SNED1: variants seen among roughly 807,000 people sequenced by gnomAD.
SNED1 encodes the protein sushi, nidogen and EGF-like domain-containing protein 1.
Under a neutral mutation model 166.7 loss-of-function variants are expected in SNED1, and 81 were observed. The ratio of observed to expected loss-of-function variants is 0.49; its 90% CI spans 0.41 to 0.58. The LOEUF (loss-of-function observed/expected upper bound fraction) is 0.58. Among genes scored for constraint, SNED1 ranks in the 20% least tolerant of loss-of-function variants. The pLI is 0.00. For synonymous variants in SNED1, 762 were observed against 822.0 expected (o/e 0.93, Z 1.25); for missense variants, 1,604 against 2,000.2 (o/e 0.80, Z 3.78).
chr2:241,065,945 G>C (rs890185734), intron 21 of SNED1, among the ~76,000 whole-genome samples: 2 of 150,738 alleles, frequency 1.3e-5, no homozygotes, highest in Middle Eastern at 3.2e-3. Flanking sequence ...GGGGCCGCGG[G>C]GGTGGGCTTG....
chr2:241,045,687 A>G (rs1377051111), intron 8 of SNED1, among the ~76,000 whole-genome samples: 1 of 151,130 alleles, frequency 6.6e-6, no homozygotes, highest in Non-Finnish European at 1.5e-5. Context: ...AACATAAACT[A>G]TAAGATTTTT....
At chr2:241,016,188 ATTTTTT>A (rs1181068532) in intron 1 of SNED1, among the ~76,000 whole-genome samples, 2 of 68,646 alleles carry the variant, frequency 2.9e-5, no homozygotes, top group Admixed American at 1.7e-4. Flanking sequence ...GTCATGGTGG[ATTTTTT>A]TTTTTTTTTT....
chr2:241,042,209 A>G (rs2061540206), intron 8 of SNED1, among the ~76,000 whole-genome samples: 1 of 152,186 alleles, frequency 6.6e-6, no homozygotes, highest in African/African-American at 2.4e-5. Flanking sequence ...CAGGCTCAGG[A>G]TGAAATCTGC....
In SNED1 at chr2:241,069,067, C is replaced by G. The variant is rs1483037705; in HGVS notation, c.3307+44C>G. 10 of 1,359,156 alleles carry G rather than the reference C, an allele frequency of 7.4e-6. No individual in the cohort carries two copies. Among genetic ancestry groups the G allele is most frequent in the African/African-American group, 1.4e-5 (1 of 69,164 alleles). The allele number at this position is 1,359,156 out of a possible 1,614,324, so 84.2% of individuals were successfully genotyped here. ...CCCCCGGCACACGAAAGGCCGTCTTCTAGAAGCTCTGGCTTCCTTCCAGCC... is the reference window on the plus strand; with the variant it reads ...CCCCCGGCACACGAAAGGCCGTCTTGTAGAAGCTCTGGCTTCCTTCCAGCC... On this transcript the variant is annotated intron_variant, in intron 23 of 31. Coordinates refer to ENST00000310397, the MANE Select transcript of SNED1 (RefSeq NM_001080437.3). This position sits in a 1 kb window ranked among gnomAD's most constrained non-coding sequence, Gnocchi z 4.9.
At chr2:241,000,398 C>G (rs7590401) in intron 1 of SNED1, among the ~76,000 whole-genome samples, 2 of 152,214 alleles carry the variant, frequency 1.3e-5, no homozygotes, top group Non-Finnish European at 2.9e-5. Flanking sequence ...GAAAGTCCCT[C>G]TGGACCGGGA....
intron 1 of SNED1, among the ~76,000 whole-genome samples, chr2:241,017,517 C>T (rs2060633618): frequency 1.3e-5 from 2 of 152,246 alleles, no homozygotes; most frequent in South Asian, 4.1e-4. Flanking sequence ...TAAGAAATGA[C>T]CCAGGCAAAG....
chr2:241,034,967 T>C (rs1339953323), intron 4 of SNED1, among the ~76,000 whole-genome samples: 2 of 150,130 alleles, frequency 1.3e-5, no homozygotes, highest in Non-Finnish European at 2.9e-5. Flanking sequence ...GGGAACCCTC[T>C]GGAGACTGTG....
chr2:241,041,627 G>T (rs2061524030), intron 8 of SNED1, among the ~76,000 whole-genome samples: 1 of 152,152 alleles, frequency 6.6e-6, no homozygotes, highest in South Asian at 2.1e-4. Context: ...AGAGGTTGCA[G>T]TGAGCTGAGA....
chr2:241,070,024 A>G lies in SNED1; in HGVS notation c.3412A>G (p.Ile1138Val). Reference protein sequence around the residue: ...TPGSLLEAYVINVTTSQSTKS... With the variant: ...TPGSLLEAYVVNVTTSQSTKS... ...AGGCAGCTTGCTGGAGGCTTATGTC[A>G]TCAATGTGACCACCAGCCAGAGCAC... Residue 1138 changes from isoleucine to valine, a missense_variant, in exon 24 of 32, where the codon ATC (isoleucine) becomes GTC (valine). This residue lies in a region of SNED1 where 1,237 missense variants were observed against 1,620.8 expected (regional missense o/e 0.76). Coordinates refer to ENST00000310397, the MANE Select transcript of SNED1 (RefSeq NM_001080437.3). 6.2e-7 allele frequency: 1 copy of G among 1,612,938 alleles called. No individual in the cohort carries two copies. The highest frequency in any genetic ancestry group is 8.5e-7 in the Non-Finnish European group (1 of 1,179,870).
Position 241,071,686 on chromosome 2 carries a change from C to A in SNED1, c.3700C>A (p.His1234Asn). Residue 1234 changes from histidine (H) to asparagine (N), a missense_variant, in exon 25 of 32, where the codon CAC becomes AAC. His to Asn is a moderately conservative substitution (Grantham distance 68, BLOSUM62 1). Around this residue, in one of 2 missense-constraint regions of SNED1, gnomAD observed 367 missense variants for 379.4 expected, o/e 0.97. Coordinates refer to ENST00000310397, the MANE Select transcript of SNED1 (RefSeq NM_001080437.3). ...GCCGGAGCTGCGCCTGCTCAATGAC[C>A]ACAGCGCCCCCGAGACCCCCACCCA... is the stretch of plus-strand genomic sequence containing the variant. ...RLPELRLLND[H>N]SAPETPTQPP... 3 of 1,541,854 alleles carry A rather than the reference C, an allele frequency of 1.9e-6. No individual in the cohort carries two copies. The highest frequency in any genetic ancestry group is 2.6e-6 in the Non-Finnish European group (3 of 1,147,386).
In SNED1 at chr2:241,073,465, A is replaced by G. The variant is rs1481196188; in HGVS notation, c.3916+101A>G. Reference sequence around the variant, plus strand: ...GGACCACCCACGGTGAGGAATCAGGAGGCACAGAGCCTACCTGAGGGGAGG... The same window carrying G: ...GGACCACCCACGGTGAGGAATCAGGGGGCACAGAGCCTACCTGAGGGGAGG... On this transcript the variant is annotated intron_variant, in intron 27 of 31. Coordinates refer to ENST00000310397, the MANE Select transcript of SNED1 (RefSeq NM_001080437.3). The surrounding 1 kb of genome is among the most constrained non-coding windows in gnomAD (Gnocchi z 6.6). The G allele has an allele frequency of 1.0e-6, 1 of 978,252 alleles. No individual in the cohort carries two copies. Among genetic ancestry groups the G allele is most frequent in the African/African-American group, 1.6e-5 (1 of 61,802 alleles). The allele number at this position is 978,252 out of a possible 1,614,324, so 60.6% of individuals were successfully genotyped here.
intron 1 of SNED1, among the ~76,000 whole-genome samples, chr2:241,010,990 G>A (rs1559215841): frequency 6.6e-6 from 1 of 152,030 alleles, no homozygotes; most frequent in Non-Finnish European, 1.5e-5. Context: ...GGGGGATGCA[G>A]CCAGGGCCTG....
At chr2:241,017,057 G>A (rs904950453) in intron 1 of SNED1, among the ~76,000 whole-genome samples, 1 of 151,906 alleles carries the variant, frequency 6.6e-6, no homozygotes, top group East Asian at 1.9e-4. Context: ...CTCCATGTTG[G>A]TCAGGCTGGT....
chr2:241,005,041 C>T (rs893626016), intron 1 of SNED1, among the ~76,000 whole-genome samples: 5 of 151,512 alleles, frequency 3.3e-5, no homozygotes, highest in African/African-American at 1.2e-4. Flanking sequence ...TTCTTTAAAA[C>T]AGTCAATTAT....
intron 8 of SNED1, among the ~76,000 whole-genome samples, chr2:241,047,544 A>C (rs1472198415): frequency 6.6e-6 from 1 of 152,238 alleles, no homozygotes; most frequent in Non-Finnish European, 1.5e-5. Flanking sequence ...ATCATAGGCC[A>C]TATTGTGAGC....
rs372720456 is a variant in SNED1, at chr2:241,091,441, A to C, written c.*2-197A>C. On this transcript the variant is annotated intron_variant, in intron 31 of 31. Coordinates refer to ENST00000310397, the MANE Select transcript of SNED1 (RefSeq NM_001080437.3). This position sits in a 1 kb window ranked among gnomAD's most constrained non-coding sequence, Gnocchi z 4.1. ...CCCCGTGTGCACTGCCATATGGTAG[A>C]ATCCTGGTGCTCTAAGAACGCGGGG... Among the ~76,000 whole-genome samples, 2 of 152,096 alleles carry C rather than the reference A, an allele frequency of 1.3e-5. No individual in the cohort carries two copies. The highest frequency in any genetic ancestry group is 4.8e-5 in the African/African-American group (2 of 41,388).
In SNED1 at chr2:241,070,135, A is replaced by G. The variant is rs2062634324; in HGVS notation, c.3523A>G (p.Ile1175Val). 1 of 1,612,134 alleles carries G rather than the reference A, an allele frequency of 6.2e-7. No individual in the cohort carries two copies. The highest frequency in any genetic ancestry group is 8.5e-7 in the Non-Finnish European group (1 of 1,179,730). Residue 1175 changes from isoleucine to valine, a missense_variant, in exon 24 of 32, where the codon ATA (isoleucine) becomes GTA (valine). By Grantham distance (29) the Ile-to-Val change is conservative (BLOSUM62 3). Coordinates refer to ENST00000310397, the MANE Select transcript of SNED1 (RefSeq NM_001080437.3). ...GGGACGGCGGTACCAGCTCTCTGTGATAGCAGTGCAGAGCACGGAGCTCGG... is the reference window on the plus strand; with the variant it reads ...GGGACGGCGGTACCAGCTCTCTGTGGTAGCAGTGCAGAGCACGGAGCTCGG... ...LPGRRYQLSV[I>V]AVQSTELGPQ...
chr2:241,025,800 T>C (rs2060943456), intron 1 of SNED1, among the ~76,000 whole-genome samples: 1 of 152,180 alleles, frequency 6.6e-6, no homozygotes, highest in Admixed American at 6.5e-5. Flanking sequence ...TCCACTGTTT[T>C]CTGGCTTTCA....
intron 29 of SNED1, among the ~76,000 whole-genome samples, chr2:241,082,853 T>C (rs1198112290): frequency 6.6e-6 from 1 of 152,092 alleles, no homozygotes; most frequent in Non-Finnish European, 1.5e-5. Context: ...GCTAACACTC[T>C]ATGACTCTGT....
Sources: allele counts gnomAD v4.1 joint callset (sites outside exome capture counted in the v4.1 genomes callset), GRCh38; gene constraint gnomAD v4.1.1; regional missense constraint gnomAD v4.1.1; non-coding constraint Gnocchi (gnomAD v3.1); transcripts MANE v1.5; gene names NCBI Gene and HGNC (gene_info 2026-07-23, HGNC 2026-07-21).